Variants in STRIP1 observed in about 807,000 individuals in gnomAD.
The protein encoded by STRIP1 is striatin-interacting protein 1.
Under a neutral mutation model 106.2 loss-of-function variants are expected in STRIP1, and 63 were observed. The observed-to-expected ratio is 0.59, with a 90% CI of 0.48 to 0.73. The LOEUF (loss-of-function observed/expected upper bound fraction) is 0.73. Among genes scored for constraint, STRIP1 ranks in the 30% least tolerant of loss-of-function variants. The pLI, the probability that STRIP1 is intolerant of heterozygous loss-of-function variation, is 0.00. For missense variants in STRIP1, 857 were observed against 1,074.8 expected, an observed-to-expected ratio of 0.80 and a Z score of 2.83; for synonymous variants, 390 against 413.0, an observed-to-expected ratio of 0.94 and a Z score of 0.67.
intron 15 of STRIP1, 71 bp downstream of exon 15, chr1:110,047,940 G>A: frequency 2.2e-6 from 3 of 1,348,998 alleles, no homozygotes; most frequent in South Asian, 1.3e-5. Flanking sequence ...TTTTCCTCTT[G>A]TCAGGTTGGT....
chr1:110,042,554 C>T (rs1365413539), intron 8 of STRIP1, among the ~76,000 whole-genome samples: 2 of 152,190 alleles, frequency 1.3e-5, no homozygotes, highest in African/African-American at 4.8e-5. Flanking sequence ...ACATTCTGTT[C>T]TTCATAAAGC....
intron 1 of STRIP1, among the ~76,000 whole-genome samples, chr1:110,036,915 C>T (rs1041088467): frequency 1.1e-4 from 16 of 152,118 alleles, no homozygotes; most frequent in Admixed American, 2.6e-4. Flanking sequence ...CCTCCACTTC[C>T]GGGGCTCAAG....
In STRIP1 at chr1:110,048,698, A is replaced by G. The variant is rs114765057; in HGVS notation, c.1662-414A>G. The stretch of plus-strand genomic sequence containing the variant: ...TGAGAAGTCCTGAATTAAGAAACCA[A>G]TGTAACTCAGTGCTTCCTAAATTTA... On this transcript the variant is annotated intron_variant, in intron 15 of 20. Coordinates refer to ENST00000369795, the MANE Select transcript of STRIP1 (RefSeq NM_033088.4). Among the ~76,000 whole-genome samples the G allele has an allele frequency of 1.1e-3, 166 of 152,382 alleles. 2 individuals are homozygous for G. Among genetic ancestry groups the G allele is most frequent in the African/African-American group, 3.8e-3 (160 of 41,594 alleles).
intron 14 of STRIP1, 22 bp downstream of exon 14, chr1:110,047,638 AC>A: frequency 1.3e-6 from 2 of 1,598,336 alleles, no homozygotes; most frequent in Middle Eastern, 3.3e-4. Context: ...CTGCAGTGGG[AC>A]ACTCCCACTA....
chr1:110,043,733 A>G lies in STRIP1; in HGVS notation c.1163A>G (p.Asp388Gly). The G allele has an allele frequency of 6.2e-7, 1 of 1,614,192 alleles. No homozygotes were observed. Among genetic ancestry groups the G allele is most frequent in the Non-Finnish European group, 8.5e-7 (1 of 1,180,020 alleles). Residue 388 changes from aspartate (D) to glycine (G), a missense_variant, in exon 10 of 21, where the codon GAC becomes GGC. By Grantham distance (94) the Asp-to-Gly change is moderately conservative. Coordinates refer to ENST00000369795, the MANE Select transcript of STRIP1 (RefSeq NM_033088.4). ...SREEEEENDD[D>G]NSLEGETFPL... ...GAAGAGGAAGAGGAGAATGATGATGACAACAGTCTGGAGGGGGAGACGTTT... is the reference window on the plus strand; with the variant it reads ...GAAGAGGAAGAGGAGAATGATGATGGCAACAGTCTGGAGGGGGAGACGTTT...
At position 110,051,665 on chromosome 1, in the gene STRIP1, G is replaced by A; in HGVS notation, c.2062-18G>A. 1 of 1,583,998 alleles carries A rather than the reference G, an allele frequency of 6.3e-7. No individual in the cohort carries two copies. Among genetic ancestry groups the A allele is most frequent in the Non-Finnish European group, 8.6e-7 (1 of 1,164,518 alleles). On this transcript the variant is annotated intron_variant, in intron 19 of 20. Coordinates refer to ENST00000369795, the MANE Select transcript of STRIP1 (RefSeq NM_033088.4). ...TTTTTGTCTTCAACTTGGGCTGCTT[G>A]CTTGTTTCCCTTCCCAGATGCTGGT...
In STRIP1 at chr1:110,041,619, G is replaced by C; in HGVS notation, c.734G>C (p.Arg245Pro). 6.2e-7 allele frequency: 1 copy of C among 1,614,118 alleles called. No individual in the cohort carries two copies. The highest frequency in any genetic ancestry group is 8.5e-7 in the Non-Finnish European group (1 of 1,180,014). ...GACAAGGCTGAGTGGAGGACCATGC[G>C]GCAGACCTTCAGAGCCGAGCTGGGT... The part of the protein sequence containing the change: ...EGDKAEWRTM[R>P]QTFRAELGSP... The change falls in exon 7 of 21, where the codon CGG becomes CCG. Residue 245 changes from arginine to proline, a missense_variant. Physicochemically the swap from Arg to Pro is moderately radical, Grantham distance 103. Around this residue, in one of 2 missense-constraint regions of STRIP1, gnomAD observed 750 missense variants for 989.8 expected, o/e 0.76. Coordinates refer to ENST00000369795, the MANE Select transcript of STRIP1 (RefSeq NM_033088.4).
intron 1 of STRIP1, among the ~76,000 whole-genome samples, chr1:110,036,936 G>A (rs1358516003): frequency 6.6e-6 from 1 of 152,092 alleles, no homozygotes; most frequent in Non-Finnish European, 1.5e-5. Flanking sequence ...CGATTCTCCT[G>A]CCTTAGCCTC....
intron 5 of STRIP1, among the ~76,000 whole-genome samples, chr1:110,040,171 GT>G (rs1421479058): frequency 6.6e-6 from 1 of 151,780 alleles, no homozygotes; most frequent in Non-Finnish European, 1.5e-5. Flanking sequence ...TTTTGTTTTT[GT>G]GTTTTTTTTG....
At chr1:110,038,026 TAATG>T (rs1238626978) in intron 2 of STRIP1, 66 bp downstream of exon 2, 23 of 892,950 alleles carry the variant, frequency 2.6e-5, no homozygotes, top group South Asian at 4.4e-5. Context: ...ATAAAATTAA[TAATG>T]AATATCATTT....
chr1:110,032,257 T>C (rs1652212224), upstream of STRIP1, among the ~76,000 whole-genome samples: 1 of 152,222 alleles, frequency 6.6e-6, no homozygotes, highest in Admixed American at 6.5e-5. Context: ...CAGCTTATGA[T>C]AGGCACAGGA....
intron 20 of STRIP1, among the ~76,000 whole-genome samples, chr1:110,052,503 T>G (rs1211518839): frequency 6.6e-6 from 1 of 152,102 alleles, no homozygotes; most frequent in Non-Finnish European, 1.5e-5. Context: ...AGACAGAGAT[T>G]CTGTCGCCCA....
In STRIP1 at chr1:110,053,947, G is replaced by A. The variant is rs114987264; in HGVS notation, c.*35G>A. ...TTAGGGGACTGAAATGGAGAGAAAA[G>A]ATGATCTGAAGGTACCTGTGGGACT... On this transcript the variant is annotated 3_prime_UTR_variant, in exon 21 of 21. Coordinates refer to ENST00000369795, the MANE Select transcript of STRIP1 (RefSeq NM_033088.4). 7.1e-3 allele frequency: 11,443 copies of A among 1,611,346 alleles called. 168 individuals carry two copies. Among genetic ancestry groups the A allele is most frequent in the South Asian group, 0.044 (3,999 of 90,870 alleles).
chr1:110,038,999 G>A, intron 3 of STRIP1, 173 bp from the exon 4 acceptor site: 7 of 822,488 alleles, frequency 8.5e-6, no homozygotes, highest in Admixed American at 2.9e-5. Flanking sequence ...CAAAATACCA[G>A]CGTTTCAGTT....
intron 13 of STRIP1, among the ~76,000 whole-genome samples, 186 bp from the exon 14 acceptor site, chr1:110,047,356 A>T (rs1015406364): frequency 6.6e-6 from 1 of 152,234 alleles, no homozygotes. Context: ...TATAATAATA[A>T]GGATGAACTG....
At chr1:110,039,352 C>G in intron 4 of STRIP1, 43 bp from the exon 5 acceptor site, 5 of 1,613,956 alleles carry the variant, frequency 3.1e-6, no homozygotes, top group Non-Finnish European at 3.4e-6. Context: ...TCTGCCCACT[C>G]AGATGCAGGG....
intron 5 of STRIP1, 25 bp downstream of exon 5, chr1:110,039,540 A>G: frequency 6.3e-7 from 1 of 1,581,378 alleles, no homozygotes; most frequent in Non-Finnish European, 8.6e-7. Flanking sequence ...GAGGCTGAGT[A>G]GGGAAGGGGA....
upstream of STRIP1, among the ~76,000 whole-genome samples, chr1:110,034,202 A>G (rs929947061): frequency 1.1e-4 from 16 of 152,200 alleles, no homozygotes; most frequent in Non-Finnish European, 2.9e-5. Context: ...TGCTTGGTGC[A>G]CAGGAGACAT....
Position 110,053,978 on chromosome 1 carries a change from A to G in STRIP1, c.*66A>G. On this transcript the variant is annotated 3_prime_UTR_variant, in exon 21 of 21. Coordinates refer to ENST00000369795, the MANE Select transcript of STRIP1 (RefSeq NM_033088.4). ...CTGAAGGTACCTGTGGGACTGTCCT[A>G]GTTCATTGCTGCAGTGCTCCCATCC... 6.3e-7 allele frequency: 1 copy of G among 1,578,060 alleles called. No individual in the cohort carries two copies. Among genetic ancestry groups the G allele is most frequent in the Non-Finnish European group, 8.6e-7 (1 of 1,158,818 alleles).
Sources: allele counts gnomAD v4.1 joint callset (sites outside exome capture counted in the v4.1 genomes callset), GRCh38; gene constraint gnomAD v4.1.1; regional missense constraint gnomAD v4.1.1; transcripts MANE v1.5; gene names NCBI Gene and HGNC (gene_info 2026-07-23, HGNC 2026-07-21).